The following USP25 variants were observed in gnomAD, a reference collection of about 807,000 sequenced individuals.
The protein encoded by USP25 is ubiquitin specific peptidase 25, also known as ubiquitin carboxyl-terminal hydrolase 25.
Under a neutral mutation model 158.5 loss-of-function variants are expected in USP25, and 85 were observed. That is an observed-to-expected ratio of 0.54 (90% CI 0.45 to 0.64). USP25 has a LOEUF of 0.64. Among genes scored for constraint, USP25 ranks in the 30% least tolerant of loss-of-function variants. The pLI, the probability that USP25 is intolerant of heterozygous loss-of-function variation, is 0.00. For synonymous variants in USP25, 464 were observed against 460.4 expected, an observed-to-expected ratio of 1.01 and a Z score of -0.10; for missense variants, 1,242 against 1,327.3, an observed-to-expected ratio of 0.94 and a Z score of 1.00.
At chr21:15,782,337 G>A (rs1014076253) in intron 4 of USP25, among the ~76,000 whole-genome samples, 2 of 152,174 alleles carry the variant, frequency 1.3e-5, no homozygotes, top group East Asian at 1.9e-4. Context: ...CACAGCTGCC[G>A]GGCCACAATT....
chr21:15,835,498 A>G (rs960333087), intron 17 of USP25, among the ~76,000 whole-genome samples: 7 of 152,204 alleles, frequency 4.6e-5, no homozygotes, highest in Admixed American at 6.5e-5. Flanking sequence ...TTCATGATCA[A>G]TACATCTGAC....
intron 1 of USP25, among the ~76,000 whole-genome samples, chr21:15,735,964 C>CTG (rs530159084): frequency 0.039 from 5,655 of 144,990 alleles, 130 homozygotes; most frequent in East Asian, 0.1. Context: ...TGTCCTAAAT[C>CTG]TGTGTGTGTG....
Position 15,808,819 on chromosome 21 carries a change from G to A in USP25, c.791G>A (p.Ser264Asn), listed in dbSNP as rs1319262644. The A allele has an allele frequency of 1.2e-6, 2 of 1,604,030 alleles. No homozygotes were observed. Among genetic ancestry groups the A allele is most frequent in the South Asian group, 1.1e-5 (1 of 88,254 alleles). ...KSNDSQQQDVSEFTHKLLDWL... is the reference protein window; with the variant it reads ...KSNDSQQQDVNEFTHKLLDWL... ...TTTTTCTTTTCACAGCAAGATGTGA[G>A]TGAGTTTACACACAAATTATTAGAT... is the stretch of plus-strand genomic sequence containing the variant. Residue 264 changes from serine to asparagine, a missense_variant, in exon 8 of 26, where the codon AGT (serine) becomes AAT (asparagine). Coordinates refer to ENST00000400183, the MANE Select transcript of USP25 (RefSeq NM_001283041.3).
intron 3 of USP25, among the ~76,000 whole-genome samples, chr21:15,775,608 T>C (rs372740003): frequency 3.9e-5 from 6 of 152,256 alleles, no homozygotes; most frequent in Middle Eastern, 3.4e-3. Flanking sequence ...ATGCAAAGTC[T>C]AGTTGCCGCT....
chr21:15,833,754 A>T (rs995717005), intron 17 of USP25, among the ~76,000 whole-genome samples: 5 of 152,164 alleles, frequency 3.3e-5, no homozygotes, highest in African/African-American at 1.2e-4. Flanking sequence ...GTTTTTCAAG[A>T]TAAATGAGAT....
chr21:15,826,417 A>G lies in USP25; in HGVS notation c.1466+52A>G, dbSNP rs2037506454. 1 of 1,587,076 alleles carries G rather than the reference A, an allele frequency of 6.3e-7. No individual in the cohort carries two copies. The highest frequency in any genetic ancestry group is 8.6e-7 in the Non-Finnish European group (1 of 1,160,288). On this transcript the variant is annotated intron_variant, in intron 13 of 25. Transcript: ENST00000400183. This position sits in a 1 kb window ranked among gnomAD's most constrained non-coding sequence, Gnocchi z 4.8. ...CAGTTGTTACCTTTATTACACAATAATGTAACTGCTGCCTTTAAAGACAGT... is the reference window on the plus strand; with the variant it reads ...CAGTTGTTACCTTTATTACACAATAGTGTAACTGCTGCCTTTAAAGACAGT...
chr21:15,772,511 C>A (rs2034414037), intron 3 of USP25, among the ~76,000 whole-genome samples: 1 of 152,102 alleles, frequency 6.6e-6, no homozygotes, highest in Non-Finnish European at 1.5e-5. Context: ...CAAGGTCTTG[C>A]CTTGACACAG....
At chr21:15,834,451 A>G (rs1468291840) in intron 17 of USP25, among the ~76,000 whole-genome samples, 1 of 151,516 alleles carries the variant, frequency 6.6e-6, no homozygotes, top group Non-Finnish European at 1.5e-5. Flanking sequence ...TTTTTTTGCA[A>G]GATCTGCATG....
At chr21:15,791,764 A>G (rs2035603123) in intron 5 of USP25, 100 bp downstream of exon 5, 1 of 1,286,056 alleles carries the variant, frequency 7.8e-7, no homozygotes, top group Non-Finnish European at 1.0e-6. Flanking sequence ...ATAAGTACAG[A>G]TAAGTTTTTA....
intron 1 of USP25, among the ~76,000 whole-genome samples, chr21:15,748,498 C>T (rs1292898089): frequency 7.5e-6 from 1 of 133,504 alleles, no homozygotes; most frequent in Admixed American, 8.4e-5. Flanking sequence ...TGGGGTCTCG[C>T]TCTGTTTCCC....
intron 22 of USP25, among the ~76,000 whole-genome samples, chr21:15,867,228 TTTATAA>T (rs1365847439): frequency 6.6e-6 from 1 of 152,142 alleles, no homozygotes; most frequent in Admixed American, 6.6e-5. Context: ...TTTTTTTTAA[TTTATAA>T]GTCTAGTAAA....
At position 15,826,144 on chromosome 21, in the gene USP25, TAAAG is replaced by T; in HGVS notation, c.1305-59_1305-56del. 1.3e-6 allele frequency: 2 copies of T among 1,510,146 alleles called. No individual in the cohort carries two copies. The highest frequency in any genetic ancestry group is 1.8e-6 in the Non-Finnish European group (2 of 1,117,350). 93.5% of individuals were successfully genotyped at this position (1,510,146 alleles called of 1,614,324 possible). On this transcript the variant is annotated intron_variant, in intron 12 of 25. Coordinates refer to ENST00000400183, the MANE Select transcript of USP25 (RefSeq NM_001283041.3). This position sits in a 1 kb window ranked among gnomAD's most constrained non-coding sequence, Gnocchi z 4.8. ...ATCGTATCACGTTTTATAATAATAA[TAAAG>T]GCCCAAATATGCTGTATATAGAAAT... is the stretch of plus-strand genomic sequence containing the variant.
At chr21:15,738,229 C>T (rs1435070196) in intron 1 of USP25, among the ~76,000 whole-genome samples, 1 of 152,102 alleles carries the variant, frequency 6.6e-6, no homozygotes, top group Admixed American at 6.5e-5. Flanking sequence ...AAAATAATCT[C>T]TCATACTGGA....
Position 15,833,354 on chromosome 21 carries a change from T to G in USP25, c.2000T>G (p.Phe667Cys), listed in dbSNP as rs757667098. The change falls in exon 17 of 26, where the codon TTT becomes TGT. Residue 667 changes from phenylalanine to cysteine, a missense_variant. By Grantham distance (205) the Phe-to-Cys change is radical. This residue lies in a region of USP25 where 608 missense variants were observed against 605.2 expected (regional missense o/e 1.00). Coordinates refer to ENST00000400183, the MANE Select transcript of USP25 (RefSeq NM_001283041.3). ...DKAQFLIQEEFNKETGQPLVG... is the reference protein window; with the variant it reads ...DKAQFLIQEECNKETGQPLVG... ...TTTGAAATATGATTTGCAGAGGAGT[T>G]TAATAAAGAAACTGGGCAGCCCCTT... The G allele has an allele frequency of 3.0e-5, 48 of 1,611,890 alleles. No homozygotes were observed. Among genetic ancestry groups the G allele is most frequent in the Non-Finnish European group, 3.3e-5 (39 of 1,179,298 alleles).
At chr21:15,806,996 T>A (rs2036424420) in intron 7 of USP25, among the ~76,000 whole-genome samples, 1 of 152,130 alleles carries the variant, frequency 6.6e-6, no homozygotes, top group Non-Finnish European at 1.5e-5. Context: ...TGACAATGGC[T>A]CACTGCAGCA....
At position 15,850,712 on chromosome 21, in the gene USP25, C is replaced by T. The variant is rs141843580; in HGVS notation, c.2547+840C>T. Among the ~76,000 whole-genome samples, 548 of 152,036 alleles carry T rather than the reference C, an allele frequency of 3.6e-3. 3 individuals carry two copies. The highest frequency in any genetic ancestry group is 6.8e-3 in the Middle Eastern group (2 of 294). Reference sequence around the variant, plus strand: ...GTATTTTGCCATTATCCAACTTGGTCTTTCAAAAACTGGTTCTTTTTTCAC... The same window carrying T: ...GTATTTTGCCATTATCCAACTTGGTTTTTCAAAAACTGGTTCTTTTTTCAC... On this transcript the variant is annotated intron_variant, in intron 20 of 25. Coordinates refer to ENST00000400183, the MANE Select transcript of USP25 (RefSeq NM_001283041.3).
chr21:15,863,617 G>A (rs2039525582), intron 20 of USP25, among the ~76,000 whole-genome samples: 1 of 152,176 alleles, frequency 6.6e-6, no homozygotes, highest in Admixed American at 6.5e-5. Flanking sequence ...ATCTTATGAT[G>A]TCTGTGAATA....
At chr21:15,739,605 G>C (rs886616182) in intron 1 of USP25, among the ~76,000 whole-genome samples, 8 of 152,076 alleles carry the variant, frequency 5.3e-5, no homozygotes, top group Non-Finnish European at 1.2e-4. Flanking sequence ...TTTCTGCCCT[G>C]ATGTGCTTAG....
chr21:15,776,141 C>G (rs2034643783), intron 3 of USP25, among the ~76,000 whole-genome samples: 1 of 152,126 alleles, frequency 6.6e-6, no homozygotes, highest in Admixed American at 6.5e-5. Context: ...CTGGGTTACA[C>G]TCATCTTCAG....
Sources: allele counts gnomAD v4.1 joint callset (sites outside exome capture counted in the v4.1 genomes callset), GRCh38; gene constraint gnomAD v4.1.1; regional missense constraint gnomAD v4.1.1; non-coding constraint Gnocchi (gnomAD v3.1); transcripts MANE v1.5; gene names NCBI Gene and HGNC (gene_info 2026-07-23, HGNC 2026-07-21).